Variants in DNAJB14 observed in about 807,000 individuals in gnomAD.
DNAJB14 encodes DnaJ heat shock protein family (Hsp40) member B14, also known as dnaJ homolog subfamily B member 14.
A neutral mutation model predicts 48.4 loss-of-function variants in DNAJB14; 22 were observed. The ratio of observed to expected loss-of-function variants is 0.45; its 90% confidence interval spans 0.32 to 0.65. DNAJB14 has a LOEUF of 0.65. Among genes scored for constraint, DNAJB14 ranks in the 30% least tolerant of loss-of-function variants. DNAJB14 has a pLI of 0.03. For synonymous variants in DNAJB14, 142 were observed against 158.7 expected, an observed-to-expected ratio of 0.89 and a Z score of 0.79; for missense variants, 319 against 458.8, an observed-to-expected ratio of 0.70 and a Z score of 2.78.
intron 1 of DNAJB14, among the ~76,000 whole-genome samples, chr4:99,944,638 A>C (rs6812777): frequency 0.037 from 5,487 of 150,296 alleles, 324 homozygotes; most frequent in African/African-American, 0.13. Context: ...CAGTGTTGCC[A>C]TCTCGACTCA....
chr4:99,930,917 G>A (rs1012740901), intron 1 of DNAJB14, among the ~76,000 whole-genome samples: 2 of 152,126 alleles, frequency 1.3e-5, no homozygotes, highest in Non-Finnish European at 2.9e-5. Flanking sequence ...CAAAGAAAAA[G>A]AGGTAAGTCT....
intron 1 of DNAJB14, among the ~76,000 whole-genome samples, chr4:99,940,612 A>G (rs1726856079): frequency 6.6e-6 from 1 of 152,118 alleles, no homozygotes; most frequent in Non-Finnish European, 1.5e-5. Context: ...AATAAATAAA[A>G]TAACAAAGTA....
intron 2 of DNAJB14, chr4:99,923,987 T>C: frequency 1.9e-6 from 1 of 522,306 alleles, no homozygotes; most frequent in Non-Finnish European, 2.5e-6. Flanking sequence ...ATACAGTTTG[T>C]ACCTTAAAGA....
In DNAJB14 at chr4:99,898,291, C is replaced by T. The variant is rs745490658; in HGVS notation, c.*2737G>A. The T allele has an allele frequency of 4.0e-5, 6 of 151,890 alleles. No individual in the cohort carries two copies. Among genetic ancestry groups the T allele is most frequent in the Non-Finnish European group, 8.9e-5 (6 of 67,788 alleles). 9.4% of individuals were successfully genotyped at this position (151,890 alleles called of 1,614,324 possible). On this transcript the variant is annotated 3_prime_UTR_variant, in exon 8 of 8. Transcript: ENST00000442697. ...TTTTCTCTACCAAATCTTTGTAAATCATAAACAAGCATGTAATGATTATGA... is the reference window on the plus strand; with the variant it reads ...TTTTCTCTACCAAATCTTTGTAAATTATAAACAAGCATGTAATGATTATGA...
chr4:99,910,472 T>G (rs1578216192), intron 3 of DNAJB14: 1 of 152,132 alleles, frequency 6.6e-6, no homozygotes, highest in East Asian at 1.9e-4. Flanking sequence ...AAAAGGGCTA[T>G]CCCATGTAAT....
intron 2 of DNAJB14, among the ~76,000 whole-genome samples, chr4:99,923,456 C>T (rs1726132967): frequency 6.6e-6 from 1 of 151,984 alleles, no homozygotes; most frequent in Admixed American, 6.6e-5. Context: ...AAACAAAGCC[C>T]ATAATAATTG....
chr4:99,933,303 C>CTTTTTTTT (rs759298582), intron 1 of DNAJB14, among the ~76,000 whole-genome samples: 3 of 88,784 alleles, frequency 3.4e-5, no homozygotes, highest in East Asian at 3.8e-4. Flanking sequence ...CATAAACAGT[C>CTTTTTTTT]TTTTTTTTTT....
intron 7 of DNAJB14, among the ~76,000 whole-genome samples, chr4:99,901,525 T>C (rs1327818370): frequency 2.0e-5 from 3 of 152,140 alleles, no homozygotes; most frequent in African/African-American, 7.2e-5. Context: ...CACTGTGGCC[T>C]TCTGTTAAGA....
intron 3 of DNAJB14, among the ~76,000 whole-genome samples, chr4:99,916,908 A>T (rs1280653792): frequency 1.3e-5 from 2 of 151,844 alleles, no homozygotes; most frequent in Non-Finnish European, 2.9e-5. Flanking sequence ...GCTGAGGCGG[A>T]TGGATCATGC....
intron 1 of DNAJB14, among the ~76,000 whole-genome samples, chr4:99,944,793 T>C (rs1234018249): frequency 6.6e-6 from 1 of 152,124 alleles, no homozygotes; most frequent in Non-Finnish European, 1.5e-5. Context: ...GCCAGGCTGG[T>C]CTCGAACTCC....
intron 3 of DNAJB14, among the ~76,000 whole-genome samples, chr4:99,921,871 A>G (rs1256851554): frequency 2.0e-5 from 3 of 152,166 alleles, no homozygotes; most frequent in Non-Finnish European, 4.4e-5. Context: ...AAGTGCTATT[A>G]TCTGTGTTTT....
intron 1 of DNAJB14, among the ~76,000 whole-genome samples, chr4:99,938,962 G>T (rs908084865): frequency 6.6e-6 from 1 of 152,058 alleles, no homozygotes; most frequent in Admixed American, 6.6e-5. Flanking sequence ...TAAGACAGGT[G>T]GAGGAGGAAG....
At position 99,908,842 on chromosome 4, in the gene DNAJB14, T is replaced by G; in HGVS notation, c.506A>C (p.Asp169Ala). The G allele has an allele frequency of 6.2e-7, 1 of 1,601,090 alleles. No individual in the cohort carries two copies. The highest frequency in any genetic ancestry group is 2.3e-5 in the East Asian group (1 of 44,350). ...LSNPEKRKQYDLTGNEEQACN... is the reference protein window; with the variant it reads ...LSNPEKRKQYALTGNEEQACN... ...TGCTTGTTCTTCATTGCCCGTGAGG[T>G]CATACTGTTTTCGCTTTTCTGGATT... Residue 169 changes from aspartate to alanine, a missense_variant, in exon 4 of 8, where the codon GAC becomes GCC. This residue lies in a region of DNAJB14 where 37 missense variants were observed against 87.8 expected (regional missense o/e 0.42). Coordinates refer to ENST00000442697, the MANE Select transcript of DNAJB14 (RefSeq NM_001031723.4).
At chr4:99,923,701 TA>T in intron 2 of DNAJB14, 1 of 982,726 alleles carries the variant, frequency 1.0e-6, no homozygotes, top group East Asian at 1.1e-4. Flanking sequence ...TAAATGTCAA[TA>T]TTTATTTATT....
At chr4:99,944,580 T>G (rs1054027664) in intron 1 of DNAJB14, among the ~76,000 whole-genome samples, 2 of 151,852 alleles carry the variant, frequency 1.3e-5, no homozygotes, top group East Asian at 1.9e-4. Context: ...GTCTTTTTTT[T>G]TTTGTTTTTT....
chr4:99,921,158 T>C (rs1353407459), intron 3 of DNAJB14, among the ~76,000 whole-genome samples: 1 of 152,218 alleles, frequency 6.6e-6, no homozygotes, highest in Non-Finnish European at 1.5e-5. Flanking sequence ...CAGTGAAAAA[T>C]GGGCTCATCA....
intron 3 of DNAJB14, among the ~76,000 whole-genome samples, chr4:99,914,192 C>T (rs1645967673): frequency 6.6e-6 from 1 of 152,194 alleles, no homozygotes; most frequent in Non-Finnish European, 1.5e-5. Context: ...CACTAGGCTA[C>T]ACCTCCCAAC....
rs1725450910 is a variant in DNAJB14 at position 99,905,984 on chromosome 4, C to A, written c.733-278G>T. 2.3e-6 allele frequency: 3 copies of A among 1,290,378 alleles called. No homozygotes were observed. The South Asian group carries it at 4.6e-5, about 20-fold the overall frequency. The allele number at this position is 1,290,378 out of a possible 1,614,324, so 79.9% of individuals were successfully genotyped here. ...TCTTTCTCTTTCCCGACTCCCTCCC[C>A]CCCACACACAGAGACGCTATCAATA... On this transcript the variant is annotated intron_variant, in intron 5 of 7. Coordinates refer to ENST00000442697, the MANE Select transcript of DNAJB14 (RefSeq NM_001031723.4).
At chr4:99,906,704 T>C in intron 4 of DNAJB14, 93 bp from the exon 5 acceptor site, 1 of 1,053,264 alleles carries the variant, frequency 9.5e-7, no homozygotes, top group Admixed American at 2.2e-5. Context: ...TTTAAAAAAT[T>C]ACTAAAATAA....
Sources: gnomAD v4.1 joint callset for allele counts (sites outside exome capture counted in the v4.1 genomes callset) on GRCh38, gnomAD v4.1.1 for gene constraint, gnomAD v4.1.1 regional missense constraint, MANE v1.5 for transcripts, NCBI Gene and HGNC (gene_info 2026-07-23, HGNC 2026-07-21) for gene names.